The following SYT9 variants were observed in gnomAD, a reference collection of about 807,000 sequenced individuals.
SYT9 encodes the protein synaptotagmin-9.
Under a neutral mutation model 48.4 loss-of-function variants are expected in SYT9, and 22 were observed. The ratio of observed to expected loss-of-function variants is 0.45; its 90% CI spans 0.32 to 0.65. SYT9 has a LOEUF of 0.65. Ranked by LOEUF, SYT9 falls within the 30% of genes least tolerant of loss-of-function variation. SYT9 has a pLI of 0.03. For synonymous variants in SYT9, 265 were observed against 245.0 expected, an observed-to-expected ratio of 1.08 and a Z score of -0.76; for missense variants, 577 against 622.0, an observed-to-expected ratio of 0.93 and a Z score of 0.77.
rs143253026 is a variant in SYT9 at position 7,266,302 on chromosome 11, G to A, written c.145+13971G>A. 1.7e-3 allele frequency among the ~76,000 whole-genome samples: 253 copies of A among 152,150 alleles called. 1 individual carries two copies. Among genetic ancestry groups the A allele is most frequent in the African/African-American group, 5.9e-3 (243 of 41,528 alleles). ...TTCTGGGGCTTTTAAAGTACTTTGTGTGTATTACTTTAATTTTGAGGGAAC... is the reference window on the plus strand; with the variant it reads ...TTCTGGGGCTTTTAAAGTACTTTGTATGTATTACTTTAATTTTGAGGGAAC... On this transcript the variant is annotated intron_variant, in intron 1 of 6. Coordinates refer to ENST00000318881, the MANE Select transcript of SYT9 (RefSeq NM_175733.4).
At chr11:7,453,485 C>T (rs1409895122) in intron 6 of SYT9, among the ~76,000 whole-genome samples, 2 of 152,158 alleles carry the variant, frequency 1.3e-5, no homozygotes, top group African/African-American at 4.8e-5. Context: ...AGGTGTTGAG[C>T]AAGGCAGTGA....
chr11:7,457,149 T>C (rs1848162330), intron 6 of SYT9: 1 of 152,254 alleles, frequency 6.6e-6, no homozygotes, highest in African/African-American at 2.4e-5. Flanking sequence ...TGCTTTCTAT[T>C]CACCCCCATG....
intron 1 of SYT9, among the ~76,000 whole-genome samples, chr11:7,272,738 C>T (rs997466452): frequency 3.3e-5 from 5 of 152,146 alleles, no homozygotes; most frequent in African/African-American, 1.2e-4. Context: ...GCACCTATCC[C>T]AAACTTGGAG....
chr11:7,455,662 T>C (rs1342731103), intron 6 of SYT9, among the ~76,000 whole-genome samples: 1 of 152,124 alleles, frequency 6.6e-6, no homozygotes, highest in Non-Finnish European at 1.5e-5. Flanking sequence ...TCTGAGACTT[T>C]TTCCCAAATA....
intron 3 of SYT9, among the ~76,000 whole-genome samples, chr11:7,410,151 ACCAGAGTTCCT>A (rs1487577049): frequency 3.9e-5 from 6 of 152,156 alleles, no homozygotes; most frequent in African/African-American, 1.4e-4. Flanking sequence ...ATCTGTAGGT[ACCAGAGTTCCT>A]CCTAGTATTG....
chr11:7,419,542 A>G (rs2134102692), intron 5 of SYT9, among the ~76,000 whole-genome samples: 1 of 152,308 alleles, frequency 6.6e-6, no homozygotes, highest in Non-Finnish European at 1.5e-5. Context: ...GACTTTTTAA[A>G]AAACTGCTAG....
chr11:7,399,728 A>G (rs964253463), intron 3 of SYT9, among the ~76,000 whole-genome samples: 4 of 152,232 alleles, frequency 2.6e-5, no homozygotes, highest in African/African-American at 9.6e-5. Context: ...CAAGTGCAGA[A>G]TTGTTGCATT....
chr11:7,277,437 A>G (rs1216086527), intron 1 of SYT9, among the ~76,000 whole-genome samples: 1 of 152,228 alleles, frequency 6.6e-6, no homozygotes, highest in Non-Finnish European at 1.5e-5. Flanking sequence ...CTGTTGTCCT[A>G]TTAAGTTCAA....
intron 3 of SYT9, among the ~76,000 whole-genome samples, chr11:7,362,317 G>A (rs191947553): frequency 1.1e-4 from 17 of 151,392 alleles, no homozygotes; most frequent in Admixed American, 5.9e-4. Flanking sequence ...GCTAATTTTT[G>A]TATTTTTAGG....
intron 2 of SYT9, among the ~76,000 whole-genome samples, chr11:7,309,407 A>G (rs1849089572): frequency 6.6e-6 from 1 of 152,014 alleles, no homozygotes; most frequent in Admixed American, 6.5e-5. Context: ...CCCCAGACCT[A>G]CTCAGAGGAC....
intron 3 of SYT9, among the ~76,000 whole-genome samples, chr11:7,369,908 AT>A (rs1850331355): frequency 7.1e-6 from 1 of 141,376 alleles, no homozygotes; most frequent in Non-Finnish European, 1.6e-5. Context: ...TCTTTATTTT[AT>A]TTTTCCATAA....
chr11:7,238,982 G>A (rs1469095464), intron 1 of SYT9: 1 of 455,188 alleles, frequency 2.2e-6, no homozygotes, highest in Non-Finnish European at 4.4e-6. Flanking sequence ...CCTGCACCCA[G>A]AAGTGGTGGG....
rs571207995 is a variant in SYT9, at chr11:7,453,917, G to A, written c.1468-12875G>A. 2.6e-4 allele frequency: 227 copies of A among 870,774 alleles called. 3 individuals carry two copies. The South Asian group carries it at 0.01, about 39-fold the overall frequency. The allele number at this position is 870,774 out of a possible 1,614,324, so 53.9% of individuals were successfully genotyped here. A position where few individuals can be genotyped will look rare whatever the true frequency, so the allele number is the denominator to read the frequency against. Reference sequence around the variant, plus strand: ...TGGCCCCTAAGTTCAGATCTCAGTCGCCCTCCTCAGGAGCACCAGGGAAGA... The same window carrying A: ...TGGCCCCTAAGTTCAGATCTCAGTCACCCTCCTCAGGAGCACCAGGGAAGA... On this transcript the variant is annotated intron_variant, in intron 6 of 6. Transcript: ENST00000318881.
intron 6 of SYT9, among the ~76,000 whole-genome samples, chr11:7,433,738 G>A (rs573551254): frequency 6.6e-6 from 1 of 152,312 alleles, no homozygotes; most frequent in East Asian, 1.9e-4. Context: ...CATCCATGAG[G>A]CAGAGAGCTA....
chr11:7,385,193 C>T (rs186891902), intron 3 of SYT9, among the ~76,000 whole-genome samples: 2 of 152,106 alleles, frequency 1.3e-5, no homozygotes, highest in Admixed American at 1.3e-4. Context: ...AATATAAGCT[C>T]CATGAGAGTA....
intron 3 of SYT9, among the ~76,000 whole-genome samples, chr11:7,358,115 A>C (rs1280210773): frequency 6.6e-6 from 1 of 151,968 alleles, no homozygotes; most frequent in South Asian, 2.1e-4. Context: ...GGTGATGAGT[A>C]CTGCGAAGAC....
At chr11:7,450,873 C>T (rs1214994761) in intron 6 of SYT9, among the ~76,000 whole-genome samples, 1 of 152,234 alleles carries the variant, frequency 6.6e-6, no homozygotes, top group Non-Finnish European at 1.5e-5. Flanking sequence ...CACAGCTATA[C>T]CAGTCAGAGC....
At chr11:7,385,420 G>A (rs1850640331) in intron 3 of SYT9, among the ~76,000 whole-genome samples, 1 of 151,858 alleles carries the variant, frequency 6.6e-6, no homozygotes, top group Non-Finnish European at 1.5e-5. Flanking sequence ...AGACATTTAA[G>A]TCTCTTAGTG....
upstream of SYT9, among the ~76,000 whole-genome samples, chr11:7,247,072 A>G (rs1295936063): frequency 1.3e-5 from 2 of 152,198 alleles, no homozygotes; most frequent in Non-Finnish European, 2.9e-5. Flanking sequence ...GGCAGAGAGA[A>G]AGCAAACTCT....
Sources: gnomAD v4.1 joint callset for allele counts (sites outside exome capture counted in the v4.1 genomes callset) on GRCh38, gnomAD v4.1.1 for gene constraint, MANE v1.5 for transcripts, NCBI Gene and HGNC (gene_info 2026-07-23, HGNC 2026-07-21) for gene names.